The following EP300 variants were observed in gnomAD, a reference collection of about 807,000 sequenced individuals.
The protein encoded by EP300 is histone acetyltransferase p300.
Under a neutral mutation model 264.0 loss-of-function variants are expected in EP300, and 31 were observed. The ratio of observed to expected loss-of-function variants is 0.12; its 90% CI spans 0.09 to 0.16. EP300 has a LOEUF of 0.16. Among genes scored for constraint, EP300 ranks in the 10% least tolerant of loss-of-function variants. The probability of loss-of-function intolerance (pLI) is 1.00; values close to 1 mark genes in which losing one functional copy is unlikely to be tolerated. For missense variants in EP300, 2,766 were observed against 3,052.9 expected (o/e 0.91, Z 2.21); for synonymous variants, 1,340 against 1,045.4 (o/e 1.28, Z -5.44).
chr22:41,160,845 TATTTA>T, intron 20 of EP300, 123 bp downstream of exon 20: 2 of 845,236 alleles, frequency 2.4e-6, no homozygotes, highest in Non-Finnish European at 3.9e-6. Flanking sequence ...CACATGTTGC[TATTTA>T]AATGCATATT....
In EP300 at chr22:41,176,760, G is replaced by T; in HGVS notation, c.5062-13G>T. 1 of 1,613,874 alleles carries T rather than the reference G, an allele frequency of 6.2e-7. No individual in the cohort carries two copies. The highest frequency in any genetic ancestry group is 8.5e-7 in the Non-Finnish European group (1 of 1,180,028). On this transcript the variant is annotated splice_polypyrimidine_tract_variant and intron_variant, in intron 30 of 30. Coordinates refer to ENST00000263253, the MANE Select transcript of EP300 (RefSeq NM_001429.4). Reference sequence around the variant, plus strand: ...CTTGGAGAGTTTACGTGCACCTCCTGTTTTTTCCCTAGGATTATGACTTGT... The same window carrying T: ...CTTGGAGAGTTTACGTGCACCTCCTTTTTTTTCCCTAGGATTATGACTTGT...
intron 23 of EP300, 80 bp downstream of exon 23, chr22:41,166,746 T>C (rs1010851940): frequency 7.6e-6 from 7 of 926,636 alleles, no homozygotes; most frequent in South Asian, 1.4e-5. Context: ...TGAATTACTT[T>C]GTTTTTAATC....
intron 29 of EP300, among the ~76,000 whole-genome samples, chr22:41,175,793 G>A (rs542064746): frequency 6.6e-6 from 1 of 152,318 alleles, no homozygotes; most frequent in African/African-American, 2.4e-5. Flanking sequence ...AGGAGTTACT[G>A]AATGAAGGAG....
chr22:41,145,707 T>C (rs1192435762), intron 10 of EP300, among the ~76,000 whole-genome samples: 1 of 152,150 alleles, frequency 6.6e-6, no homozygotes, highest in Non-Finnish European at 1.5e-5. Flanking sequence ...TACTGCAAGC[T>C]CCACCTCCCG....
At chr22:41,129,159 C>T (rs1283191978) in intron 4 of EP300, among the ~76,000 whole-genome samples, 2 of 101,170 alleles carry the variant, frequency 2.0e-5, no homozygotes, top group African/African-American at 6.7e-5. Context: ...TACAGGCGCC[C>T]GCCACCATGG....
Position 41,162,625 on chromosome 22 carries a change from ATC to A in EP300, c.3672-94_3672-93del, listed in dbSNP as rs2059114042. 7.7e-6 allele frequency: 7 copies of A among 914,502 alleles called. No individual in the cohort carries two copies. The South Asian group carries it at 8.3e-5, about 11-fold the overall frequency. The allele number at this position is 914,502 out of a possible 1,614,324, so 56.6% of individuals were successfully genotyped here. A position where few individuals can be genotyped will look rare whatever the true frequency, so the allele number is the denominator to read the frequency against. On this transcript the variant is annotated intron_variant, in intron 20 of 30. Transcript: ENST00000263253. ...AAATGTGTATTCTTAAAAAACCTGA[ATC>A]TCTATATAGGGTGAAGTTTGTTCCT... is the stretch of plus-strand genomic sequence containing the variant.
chr22:41,107,595 T>C (rs887288052), intron 1 of EP300, among the ~76,000 whole-genome samples: 4 of 152,234 alleles, frequency 2.6e-5, no homozygotes, highest in Non-Finnish European at 5.9e-5. Context: ...GGTTCTAATT[T>C]TGAAGGTTAT....
chr22:41,154,525 A>G (rs1463906189), intron 16 of EP300, among the ~76,000 whole-genome samples: 10 of 151,606 alleles, frequency 6.6e-5, no homozygotes, highest in Non-Finnish European at 1.5e-4. Flanking sequence ...TGAGACTAGC[A>G]TGCCACCATG....
At chr22:41,132,356 C>G (rs369001481) in intron 6 of EP300, among the ~76,000 whole-genome samples, 1 of 133,428 alleles carries the variant, frequency 7.5e-6, no homozygotes, top group East Asian at 2.3e-4. Flanking sequence ...GGCACGATCT[C>G]GGCTCACTGC....
Position 41,166,685 on chromosome 22 carries a change from G to A in EP300, c.3874+19G>A. The A allele has an allele frequency of 6.3e-7, 1 of 1,591,644 alleles. No individual in the cohort carries two copies. Among genetic ancestry groups the A allele is most frequent in the Middle Eastern group, 1.7e-4 (1 of 5,994 alleles). ...GCTAAAAGTAAGTTTTATTCTTAAAGGTAAATTTTGGCAAAACTTATCTGA... is the reference window on the plus strand; with the variant it reads ...GCTAAAAGTAAGTTTTATTCTTAAAAGTAAATTTTGGCAAAACTTATCTGA... On this transcript the variant is annotated intron_variant, in intron 23 of 30. Coordinates refer to ENST00000263253, the MANE Select transcript of EP300 (RefSeq NM_001429.4).
intron 17 of EP300, 43 bp downstream of exon 17, chr22:41,155,156 T>A: frequency 7.6e-7 from 1 of 1,315,382 alleles, no homozygotes; most frequent in South Asian, 1.2e-5. Context: ...TTTAATTTGA[T>A]AACAGCTTTA....
chr22:41,178,597 G>T lies in EP300; in HGVS notation c.6886G>T (p.Gly2296Cys). Residue 2296 changes from glycine (G) to cysteine (C), a missense_variant, in exon 31 of 31, where the codon GGC becomes TGC. Coordinates refer to ENST00000263253, the MANE Select transcript of EP300 (RefSeq NM_001429.4). Reference sequence around the variant, plus strand: ...TCAGGCCCAGTCCCCACACCTACAAGGCCAGCAGATCCCTAATTCTCTCTC... The same window carrying T: ...TCAGGCCCAGTCCCCACACCTACAATGCCAGCAGATCCCTAATTCTCTCTC... Reference protein sequence around the residue: ...PNQAQSPHLQGQQIPNSLSNQ... With the variant: ...PNQAQSPHLQCQQIPNSLSNQ... 6.2e-7 allele frequency: 1 copy of T among 1,614,034 alleles called. No homozygotes were observed. Among genetic ancestry groups the T allele is most frequent in the Non-Finnish European group, 8.5e-7 (1 of 1,180,004 alleles).
chr22:41,161,102 A>C (rs947834609), intron 20 of EP300, among the ~76,000 whole-genome samples: 12 of 152,352 alleles, frequency 7.9e-5, no homozygotes, highest in African/African-American at 2.9e-4. Flanking sequence ...TTAGTACAAG[A>C]AAACATCATT....
chr22:41,138,190 G>A (rs1020804741), intron 8 of EP300, among the ~76,000 whole-genome samples: 9 of 152,136 alleles, frequency 5.9e-5, no homozygotes, highest in African/African-American at 1.9e-4. Context: ...TTGAGATGGA[G>A]TCTCACTCTG....
At position 41,162,753 on chromosome 22, in the gene EP300, A is replaced by G; in HGVS notation, c.3702A>G (p.Arg1234=). The G allele has an allele frequency of 6.2e-7, 1 of 1,612,694 alleles. No individual in the cohort carries two copies. Among genetic ancestry groups the G allele is most frequent in the Non-Finnish European group, 8.5e-7 (1 of 1,178,786 alleles). ...TAAATAAAGAACAATTTTCCAAGAG[A>G]AAAAATGACACACTGGATCCTGAAC... ...TTINKEQFSK[R]KNDTLDPELF... Residue 1234 remains arginine, a synonymous_variant, in exon 21 of 31, where the codon AGA becomes AGG. Coordinates refer to ENST00000263253, the MANE Select transcript of EP300 (RefSeq NM_001429.4).
chr22:41,174,679 G>A (rs139565349), intron 29 of EP300: 4 of 151,948 alleles, frequency 2.6e-5, no homozygotes, highest in South Asian at 4.2e-4. Context: ...TAGTAATCTC[G>A]ATTGTTCAGT....
chr22:41,141,318 C>T (rs1601613576), intron 10 of EP300, 96 bp downstream of exon 10: 3 of 1,372,860 alleles, frequency 2.2e-6, no homozygotes. Flanking sequence ...TGTAACTATT[C>T]TAGAGTTTTT....
intron 29 of EP300, chr22:41,175,982 G>T: frequency 2.0e-6 from 1 of 495,774 alleles, no homozygotes; most frequent in East Asian, 3.8e-5. Context: ...CACTCTGGGA[G>T]GCTGAGGCAG....
chr22:41,176,109 A>G (rs915561522), intron 29 of EP300, 138 bp from the exon 30 acceptor site: 7 of 964,666 alleles, frequency 7.3e-6, no homozygotes, highest in African/African-American at 6.4e-5. Flanking sequence ...GGTCTCAGCT[A>G]TTCAGGAGGC....
Sources: allele counts gnomAD v4.1 joint callset (sites outside exome capture counted in the v4.1 genomes callset), GRCh38; gene constraint gnomAD v4.1.1; transcripts MANE v1.5; gene names NCBI Gene and HGNC (gene_info 2026-07-23, HGNC 2026-07-21).